MTAP: variants seen among roughly 807,000 people sequenced by gnomAD.
The protein encoded by MTAP is methylthioadenosine phosphorylase, also known as S-methyl-5'-thioadenosine phosphorylase.
In MTAP, 33 loss-of-function variants were observed where a neutral mutation model predicts 33.6. The observed-to-expected ratio is 0.98, with a 90% CI of 0.74 to 1.31. MTAP has a LOEUF of 1.31. MTAP is among the 40% of genes most tolerant of loss of function. The probability of loss-of-function intolerance (pLI) is 0.00; values close to 1 mark genes in which losing one functional copy is unlikely to be tolerated. For missense variants in MTAP, 367 were observed against 360.0 expected (o/e 1.02, Z -0.16); for synonymous variants, 148 against 125.7 (o/e 1.18, Z -1.19).
At chr9:21,826,743 G>C (rs1018761328) in intron 4 of MTAP, among the ~76,000 whole-genome samples, 1 of 151,966 alleles carries the variant, frequency 6.6e-6, no homozygotes, top group African/African-American at 2.4e-5. Context: ...TGCATTTAGA[G>C]GTAGTTGAAA....
At chr9:21,820,531 T>A (rs999280855) in intron 4 of MTAP, among the ~76,000 whole-genome samples, 3 of 152,234 alleles carry the variant, frequency 2.0e-5, no homozygotes, top group Non-Finnish European at 4.4e-5. Context: ...CCACGCTGTT[T>A]TGGTGACTGT....
intron 1 of MTAP, chr9:21,930,108 T>C: frequency 2.1e-6 from 1 of 466,862 alleles, no homozygotes. Flanking sequence ...TGTCTGCAAA[T>C]TGCCAACCTC....
At chr9:21,808,638 A>T (rs1376823770) in intron 1 of MTAP, among the ~76,000 whole-genome samples, 1 of 151,806 alleles carries the variant, frequency 6.6e-6, no homozygotes, top group East Asian at 1.9e-4. Context: ...GTATTCTCTT[A>T]CAGTTCTGGA....
At chr9:21,811,916 G>T in intron 1 of MTAP, 1 of 349,820 alleles carries the variant, frequency 2.9e-6, no homozygotes. Context: ...TTATATCTTG[G>T]GGGATCCAAC....
intron 1 of MTAP, among the ~76,000 whole-genome samples, chr9:21,926,755 T>C (rs963979243): frequency 1.3e-5 from 2 of 152,188 alleles, no homozygotes; most frequent in Admixed American, 1.3e-4. Context: ...TTATGAATCC[T>C]GCATCTAGTC....
At chr9:21,938,417 C>A (rs2131059660), downstream of MTAP, among the ~76,000 whole-genome samples, 1 of 145,402 alleles carries the variant, frequency 6.9e-6, no homozygotes, top group East Asian at 2.0e-4. Flanking sequence ...CCAGCCTGGG[C>A]AAGAAAGTGA....
intron 4 of MTAP, among the ~76,000 whole-genome samples, chr9:21,831,348 G>A (rs544630643): frequency 6.6e-6 from 1 of 151,938 alleles, no homozygotes; most frequent in Non-Finnish European, 1.5e-5. Flanking sequence ...TTTTTTTGTT[G>A]TTTTTTTAGA....
intron 2 of MTAP, 33 bp from the exon 3 acceptor site, chr9:21,816,681 C>T: frequency 6.3e-7 from 1 of 1,588,942 alleles, no homozygotes. Flanking sequence ...TTTTAAATCA[C>T]TGAGTTAAAT....
chr9:21,870,971 A>G (rs1055115824), downstream of MTAP, among the ~76,000 whole-genome samples: 5 of 151,846 alleles, frequency 3.3e-5, no homozygotes, highest in East Asian at 1.9e-4. Context: ...GGGTTTCACC[A>G]TGTTGGCCAG....
At chr9:21,870,378 T>C (rs1250352789), downstream of MTAP, among the ~76,000 whole-genome samples, 1 of 152,258 alleles carries the variant, frequency 6.6e-6, no homozygotes, top group Non-Finnish European at 1.5e-5. Context: ...TGTCATTTAC[T>C]GATATCCTAA....
At chr9:21,881,585 AC>A (rs1284313218) in intron 1 of MTAP, among the ~76,000 whole-genome samples, 11 of 152,094 alleles carry the variant, frequency 7.2e-5, no homozygotes, top group African/African-American at 2.7e-4. Context: ...ACTTGAATAG[AC>A]ATTTTTTCAA....
At chr9:21,915,867 C>G (rs544149093) in intron 1 of MTAP, among the ~76,000 whole-genome samples, 1 of 152,006 alleles carries the variant, frequency 6.6e-6, no homozygotes, top group South Asian at 2.1e-4. Flanking sequence ...CTCTATGTCT[C>G]TACAAAAAAA....
chr9:21,907,363 C>T (rs906552187), intron 1 of MTAP, among the ~76,000 whole-genome samples: 2 of 152,156 alleles, frequency 1.3e-5, no homozygotes, highest in African/African-American at 4.8e-5. Flanking sequence ...TCAAGACCAG[C>T]CTAGCCAACA....
intron 5 of MTAP, among the ~76,000 whole-genome samples, chr9:21,845,152 G>C (rs1158513909): frequency 6.6e-6 from 1 of 151,970 alleles, no homozygotes; most frequent in African/African-American, 2.4e-5. Flanking sequence ...CACCACTTCT[G>C]TTCAACATAA....
intron 5 of MTAP, among the ~76,000 whole-genome samples, chr9:21,846,518 A>C (rs370837651): frequency 1.4e-4 from 22 of 152,208 alleles, no homozygotes; most frequent in African/African-American, 4.8e-4. Context: ...AGGAAATGCA[A>C]ATTAAAACCA....
chr9:21,878,891 A>G lies in MTAP; in HGVS notation c.147+24021A>G, dbSNP rs146261165. On this transcript the variant is annotated intron_variant, in intron 1 of 1. Coordinates refer to the MTAP transcript ENST00000577563. Reference sequence around the variant, plus strand: ...TGAGCAATTTTTAAAATCTTGACTTATATTTTTATTGCGCTATAGTCCTAG... The same window carrying G: ...TGAGCAATTTTTAAAATCTTGACTTGTATTTTTATTGCGCTATAGTCCTAG... Among the ~76,000 whole-genome samples, 18 of 152,230 alleles carry G rather than the reference A, an allele frequency of 1.2e-4. No homozygotes were observed. In the East Asian group the frequency reaches 2.9e-3, roughly 24 times the overall value.
rs1211235891 is a variant in MTAP, at chr9:21,865,206, T to G, written c.*3192T>G. 1 of 588,412 alleles carries G rather than the reference T, an allele frequency of 1.7e-6. No individual in the cohort carries two copies. The highest frequency in any genetic ancestry group is 6.3e-5 in the Admixed American group (1 of 15,800). 36.4% of individuals were successfully genotyped at this position (588,412 alleles called of 1,614,324 possible). On this transcript the variant is annotated 3_prime_UTR_variant, in exon 8 of 8. Transcript: ENST00000644715. ...GGTTACCCCCACACTGCTGTTCTCA[T>G]GATACTGAGTTCTCACAAGTCCTGT...
In MTAP at chr9:21,844,937, C is replaced by T. The variant is rs559597407; in HGVS notation, c.450+6927C>T. ...GTCCCAGCTACTCGGGAGGCCGAGG[C>T]AGTGAATGGCGTGAACCCGGGAGGT... On this transcript the variant is annotated intron_variant, in intron 5 of 7. Coordinates refer to ENST00000644715, the MANE Select transcript of MTAP (RefSeq NM_002451.4). 6.6e-5 allele frequency among the ~76,000 whole-genome samples: 10 copies of T among 151,098 alleles called. No homozygotes were observed. The South Asian group carries it at 1.9e-3, about 28-fold the overall frequency.
At chr9:21,910,848 C>T (rs1818563936) in intron 1 of MTAP, among the ~76,000 whole-genome samples, 1 of 152,236 alleles carries the variant, frequency 6.6e-6, no homozygotes, top group South Asian at 2.1e-4. Flanking sequence ...TTCAAGTCCG[C>T]ATCCCCCAGC....
Sources: gnomAD v4.1 joint callset for allele counts (sites outside exome capture counted in the v4.1 genomes callset) on GRCh38, gnomAD v4.1.1 for gene constraint, MANE v1.5 for transcripts, NCBI Gene and HGNC (gene_info 2026-07-23, HGNC 2026-07-21) for gene names.